FRMD6: variants seen among roughly 807,000 people sequenced by gnomAD.
FRMD6 encodes FERM domain containing 6.
Under a neutral mutation model 73.2 loss-of-function variants are expected in FRMD6, and 37 were observed. The observed-to-expected ratio is 0.51, with a 90% CI of 0.39 to 0.66. The LOEUF (loss-of-function observed/expected upper bound fraction) is 0.66, where lower values mean the gene tolerates loss of function less well. Ranked by LOEUF, FRMD6 falls within the 30% of genes least tolerant of loss-of-function variation. The probability of loss-of-function intolerance (pLI) is 0.00; values close to 1 mark genes in which losing one functional copy is unlikely to be tolerated. For synonymous variants in FRMD6, 273 were observed against 282.2 expected, an observed-to-expected ratio of 0.97 and a Z score of 0.33; for missense variants, 714 against 780.5, an observed-to-expected ratio of 0.91 and a Z score of 1.02.
Position 51,494,559 on chromosome 14 carries a change from C to T in FRMD6, c.-210+5139C>T, listed in dbSNP as rs1007425183. On this transcript the variant is annotated intron_variant, in intron 1 of 14. Transcript: ENST00000356218. ...GGCAGTTCTACCCTCACAGATTTGT[C>T]GGGCAAAGCCCATGCCACAGCTGTC... Among the ~76,000 whole-genome samples, 4 of 152,326 alleles carry T rather than the reference C, an allele frequency of 2.6e-5. No homozygotes were observed. In the South Asian group the frequency reaches 6.2e-4, roughly 24 times the overall value.
At chr14:51,451,910 C>T in the FRMD6 span, among the ~76,000 whole-genome samples, 1 of 152,154 alleles carries the variant, frequency 6.6e-6, no homozygotes, top group Admixed American at 6.5e-5. Flanking sequence ...TTTGGGTATC[C>T]CTTTATAGCA....
At chr14:51,511,537 C>T (rs1301499223) in intron 1 of FRMD6, among the ~76,000 whole-genome samples, 1 of 152,130 alleles carries the variant, frequency 6.6e-6, no homozygotes, top group Non-Finnish European at 1.5e-5. Context: ...CATTGGGGAG[C>T]TCTATTATGT....
the FRMD6 span, among the ~76,000 whole-genome samples, chr14:51,475,027 C>T: frequency 6.6e-6 from 1 of 152,170 alleles, no homozygotes; most frequent in African/African-American, 2.4e-5. Flanking sequence ...ATGACAGAGT[C>T]ATCAGTTATG....
chr14:51,720,349 G>C lies in FRMD6; in HGVS notation c.1319G>C (p.Ser440Thr). 6.2e-7 allele frequency: 1 copy of C among 1,613,814 alleles called. No individual in the cohort carries two copies. Among genetic ancestry groups the C allele is most frequent in the Non-Finnish European group, 8.5e-7 (1 of 1,180,040 alleles). ...AGCTCCCACACCTCAGGGGTGGAGA[G>C]TGGCGGCAAAGACCGGCTGGAAGAG... is the stretch of plus-strand genomic sequence containing the variant. ...HGSSHTSGVE[S>T]GGKDRLEEDL... The change falls in exon 11 of 14, where the codon AGT (serine) becomes ACT (threonine). Residue 440 changes from serine (S) to threonine (T), a missense_variant. By Grantham distance (58) the Ser-to-Thr change is moderately conservative. Transcript: ENST00000344768.
chr14:51,649,074 C>T (rs925295759), upstream of FRMD6, among the ~76,000 whole-genome samples: 3 of 152,138 alleles, frequency 2.0e-5, no homozygotes, highest in East Asian at 1.9e-4. Flanking sequence ...ACGTTTTAAA[C>T]GTTTTCTGTG....
chr14:51,638,429 G>A (rs1407230098), intron 2 of FRMD6, among the ~76,000 whole-genome samples: 2 of 152,138 alleles, frequency 1.3e-5, no homozygotes, highest in Admixed American at 6.6e-5. Flanking sequence ...GGGTGGTTCC[G>A]CATTGTTCAC....
the FRMD6 span, among the ~76,000 whole-genome samples, chr14:51,482,674 C>CTGTGTGTGTGTGTGTGTG: frequency 1.8e-3 from 266 of 148,854 alleles, no homozygotes; most frequent in African/African-American, 6.3e-3. Flanking sequence ...TTTGCAGGAA[C>CTGTGTGTGTGTGTGTGTG]TGTGTGTGTG....
chr14:51,396,529 A>G, the FRMD6 span, among the ~76,000 whole-genome samples: 1 of 152,178 alleles, frequency 6.6e-6, no homozygotes, highest in Non-Finnish European at 1.5e-5. Context: ...GGAGCTGTAC[A>G]GCCACGGAAC....
chr14:51,658,131 T>C (rs564472513), intron 1 of FRMD6, among the ~76,000 whole-genome samples: 42 of 152,258 alleles, frequency 2.8e-4, no homozygotes, highest in South Asian at 1.2e-3. Context: ...AGTGAGTCCA[T>C]TGGGGGGCTC....
At chr14:51,565,940 A>G (rs1299349589) in intron 1 of FRMD6, among the ~76,000 whole-genome samples, 1 of 152,138 alleles carries the variant, frequency 6.6e-6, no homozygotes, top group East Asian at 1.9e-4. Context: ...CGAGGCGGGC[A>G]GATCATGAGG....
the FRMD6 span, among the ~76,000 whole-genome samples, chr14:51,443,043 C>T: frequency 6.6e-6 from 1 of 152,138 alleles, no homozygotes; most frequent in East Asian, 1.9e-4. Context: ...GTGAAGGCAC[C>T]AGGATGGGGA....
chr14:51,558,005 T>C (rs1339357011), intron 1 of FRMD6, among the ~76,000 whole-genome samples: 2 of 152,146 alleles, frequency 1.3e-5, no homozygotes, highest in Non-Finnish European at 2.9e-5. Context: ...GTATGATTAT[T>C]ATTTGAAGTT....
the FRMD6 span, chr14:51,436,111 AG>A: frequency 4.4e-6 from 1 of 228,578 alleles, no homozygotes. Context: ...CTGAGACCAG[AG>A]AAGACATTGA....
the FRMD6 span, among the ~76,000 whole-genome samples, chr14:51,432,626 A>G: frequency 6.6e-6 from 1 of 152,238 alleles, no homozygotes; most frequent in South Asian, 2.1e-4. Context: ...ACTTTTAAGC[A>G]TCTGCAGAAA....
rs1289376347 is a variant in FRMD6, at chr14:51,727,793, C to T, written c.1633C>T (p.Leu545Phe). 7 of 1,613,064 alleles carry T rather than the reference C, an allele frequency of 4.3e-6. No homozygotes were observed. The highest frequency in any genetic ancestry group is 1.6e-4 in the Middle Eastern group (1 of 6,076). The part of the protein sequence containing the change: ...KTSTDRHSLS[L>F]DDIRLYQKDF... ...CTCCACTGATCGACACAGCTTGAGC[C>T]TCGATGACATCAGACTTTACCAGAA... Residue 545 changes from leucine (L) to phenylalanine (F), a missense_variant, in exon 14 of 14, where the codon CTC becomes TTC. Transcript: ENST00000344768.
intron 1 of FRMD6, among the ~76,000 whole-genome samples, chr14:51,516,929 A>C (rs1884668957): frequency 6.6e-6 from 1 of 152,214 alleles, no homozygotes; most frequent in Non-Finnish European, 1.5e-5. Flanking sequence ...CTTTGAGTCA[A>C]GAGATGGTGA....
At chr14:51,608,354 T>G (rs1471582200) in intron 2 of FRMD6, among the ~76,000 whole-genome samples, 2 of 152,204 alleles carry the variant, frequency 1.3e-5, no homozygotes, top group Non-Finnish European at 1.5e-5. Flanking sequence ...GTCAGATACT[T>G]ATTGTTTGTA....
the FRMD6 span, among the ~76,000 whole-genome samples, chr14:51,435,418 TTA>T: frequency 0.04 from 3,082 of 77,306 alleles, 107 homozygotes; most frequent in African/African-American, 0.12. Flanking sequence ...CCATCTCTAT[TTA>T]AAAAAAAAAA....
chr14:51,454,227 G>T, the FRMD6 span, among the ~76,000 whole-genome samples: 5 of 152,212 alleles, frequency 3.3e-5, no homozygotes, highest in African/African-American at 1.2e-4. Context: ...TGCTTTCCAG[G>T]GTATGTACTT....
Sources: gnomAD v4.1 joint callset for allele counts (sites outside exome capture counted in the v4.1 genomes callset) on GRCh38, gnomAD v4.1.1 for gene constraint, MANE v1.5 for transcripts, NCBI Gene and HGNC (gene_info 2026-07-23, HGNC 2026-07-21) for gene names.